The following CRYM variants were observed in gnomAD, a reference collection of about 807,000 sequenced individuals.
CRYM encodes the protein crystallin mu, also known as ketimine reductase mu-crystallin.
CRYM carries 18 observed loss-of-function variants against 32.9 expected under a neutral mutation model. The observed-to-expected ratio is 0.55, with a 90% CI of 0.38 to 0.81. The LOEUF is 0.81. Ranked by LOEUF, CRYM falls within the 30% of genes least tolerant of loss-of-function variation. The pLI is 0.00. For missense variants in CRYM, 337 were observed against 393.5 expected (o/e 0.86, Z 1.21); for synonymous variants, 153 against 152.4 (o/e 1.00, Z -0.03).
At chr16:21,262,555 G>A (rs2093356490) in intron 5 of CRYM, among the ~76,000 whole-genome samples, 1 of 152,080 alleles carries the variant, frequency 6.6e-6, no homozygotes, top group African/African-American at 2.4e-5. Context: ...GGAGGCGGAG[G>A]TTGCAGTGAG....
intron 4 of CRYM, among the ~76,000 whole-genome samples, chr16:21,269,461 C>T (rs530062117): frequency 1.7e-4 from 26 of 152,174 alleles, no homozygotes; most frequent in Non-Finnish European, 3.4e-4. Flanking sequence ...TCTGGATTCT[C>T]CTAAGAAAAA....
intron 1 of CRYM, chr16:21,283,793 C>A (rs1055353781): frequency 6.6e-6 from 1 of 152,374 alleles, no homozygotes; most frequent in Non-Finnish European, 1.5e-5. Context: ...CTGCCCCGGG[C>A]GCCCCCGGTT....
chr16:21,275,759 C>CTATGGG (rs2093384966), intron 2 of CRYM, among the ~76,000 whole-genome samples, 165 bp from the exon 3 acceptor site: 1 of 152,172 alleles, frequency 6.6e-6, no homozygotes, highest in Non-Finnish European at 1.5e-5. Context: ...AGATATGCAA[C>CTATGGG]TTTGAACAAA....
chr16:21,290,476 T>G (rs930443608), intron 1 of CRYM, among the ~76,000 whole-genome samples: 1 of 152,176 alleles, frequency 6.6e-6, no homozygotes, highest in South Asian at 2.1e-4. Flanking sequence ...CACACCATCT[T>G]TAAGAATTGT....
At chr16:21,286,033 G>A (rs1270478829) in intron 1 of CRYM, among the ~76,000 whole-genome samples, 4 of 152,108 alleles carry the variant, frequency 2.6e-5, no homozygotes, top group African/African-American at 9.7e-5. Flanking sequence ...CCACTCCAAT[G>A]GTGTGATCTC....
upstream of CRYM, among the ~76,000 whole-genome samples, chr16:21,280,503 G>T (rs2093396282): frequency 6.6e-6 from 1 of 152,108 alleles, no homozygotes; most frequent in African/African-American, 2.4e-5. Flanking sequence ...GCCATGATGG[G>T]ATGGCAAATC....
At chr16:21,275,489 C>T (rs376106822) in intron 3 of CRYM, 43 bp downstream of exon 3, 208 of 1,578,510 alleles carry the variant, frequency 1.3e-4, no homozygotes, top group Non-Finnish European at 1.6e-4. Flanking sequence ...CCAGACCCCA[C>T]TTGACAGCTC....
At chr16:21,278,022 G>T (rs2093390573) in intron 1 of CRYM, 60 bp downstream of exon 1, 1 of 1,498,122 alleles carries the variant, frequency 6.7e-7, no homozygotes, top group Non-Finnish European at 8.9e-7. Flanking sequence ...TCCTCTTCCT[G>T]CTCCTCCTTT....
intron 2 of CRYM, among the ~76,000 whole-genome samples, chr16:21,276,706 G>A (rs1000330458): frequency 9.2e-5 from 14 of 152,218 alleles, no homozygotes; most frequent in African/African-American, 3.4e-4. Flanking sequence ...ATATGTAGCA[G>A]TTAAAATGGC....
chr16:21,291,883 G>T (rs1056968472), intron 1 of CRYM, among the ~76,000 whole-genome samples: 10 of 151,846 alleles, frequency 6.6e-5, no homozygotes, highest in Non-Finnish European at 1.0e-4. Flanking sequence ...TTTTTTCAAA[G>T]CATCTTTTAA....
At chr16:21,262,447 G>C (rs1198764470) in intron 5 of CRYM, 2 of 368,928 alleles carry the variant, frequency 5.4e-6, no homozygotes, top group East Asian at 6.8e-5. Flanking sequence ...GTGAAACCCT[G>C]TGTCTACTAA....
Position 21,277,294 on chromosome 16 carries a change from C to A in CRYM, c.324+137G>T, listed in dbSNP as rs1046622922. The A allele has an allele frequency of 2.2e-6, 2 of 891,672 alleles. No homozygotes were observed. The highest frequency in any genetic ancestry group is 1.6e-5 in the African/African-American group (1 of 61,026). 55.2% of individuals were successfully genotyped at this position (891,672 alleles called of 1,614,324 possible). ...GATACATGGACACAGATAACCTTCA[C>A]TGTTGCTGGTATCCAGTCACTTGCA... is the stretch of plus-strand genomic sequence containing the variant. On this transcript the variant is annotated intron_variant, in intron 2 of 7. Coordinates refer to ENST00000572914, the MANE Select transcript of CRYM (RefSeq NM_001376256.1). This position sits in a 1 kb window ranked among gnomAD's most constrained non-coding sequence, Gnocchi z 4.2.
chr16:21,301,376 A>T (rs958215664), intron 1 of CRYM: 3 of 141,950 alleles, frequency 2.1e-5, no homozygotes, highest in Non-Finnish European at 4.5e-5. Context: ...GGTAGGGCGC[A>T]TGGGACGAGG....
At chr16:21,261,037 C>T in intron 7 of CRYM, 1 of 615,942 alleles carries the variant, frequency 1.6e-6, no homozygotes, top group Non-Finnish European at 2.9e-6. Context: ...CCTAAGGACA[C>T]CTGCCTTTGA....
chr16:21,291,312 C>A (rs1394861655), intron 1 of CRYM, among the ~76,000 whole-genome samples: 6 of 152,076 alleles, frequency 3.9e-5, no homozygotes, highest in African/African-American at 1.2e-4. Context: ...AAAAGTATTC[C>A]TAACTCCATA....
chr16:21,298,538 A>T (rs745765548), intron 1 of CRYM, among the ~76,000 whole-genome samples: 1 of 152,246 alleles, frequency 6.6e-6, no homozygotes, highest in Non-Finnish European at 1.5e-5. Flanking sequence ...AAAGGAATGA[A>T]TACTGGATGA....
At chr16:21,278,399 G>T, upstream of CRYM, 2 of 957,360 alleles carry the variant, frequency 2.1e-6, no homozygotes, top group Non-Finnish European at 3.2e-6. Context: ...GCCCCGCCCC[G>T]CCAGCCCTCT....
intron 3 of CRYM, among the ~76,000 whole-genome samples, chr16:21,271,572 G>A (rs1290409869): frequency 6.6e-6 from 1 of 152,206 alleles, no homozygotes; most frequent in Non-Finnish European, 1.5e-5. Context: ...ATAAAATATA[G>A]TTTAACGTCT....
intron 5 of CRYM, chr16:21,262,479 C>G (rs1597613355): frequency 5.6e-6 from 2 of 357,382 alleles, no homozygotes; most frequent in East Asian, 1.5e-4. Context: ...ATTATCCAGG[C>G]GTGGTGGCTC....
Sources: allele counts gnomAD v4.1 joint callset (sites outside exome capture counted in the v4.1 genomes callset), GRCh38; gene constraint gnomAD v4.1.1; non-coding constraint Gnocchi (gnomAD v3.1); transcripts MANE v1.5; gene names NCBI Gene and HGNC (gene_info 2026-07-23, HGNC 2026-07-21).